DNM3: variants seen among roughly 807,000 people sequenced by gnomAD.
DNM3 encodes dynamin 3.
In DNM3, 47 loss-of-function variants were observed where a neutral mutation model predicts 101.6. The observed-to-expected ratio is 0.46, with a 90% CI of 0.37 to 0.59. The LOEUF (loss-of-function observed/expected upper bound fraction) is 0.59. DNM3 is among the 20% of genes least tolerant of loss of function. The probability of loss-of-function intolerance (pLI) is 0.00; values close to 1 mark genes in which losing one functional copy is unlikely to be tolerated. For synonymous variants in DNM3, 385 were observed against 387.9 expected, an observed-to-expected ratio of 0.99 and a Z score of 0.09; for missense variants, 849 against 1,085.7, an observed-to-expected ratio of 0.78 and a Z score of 3.06.
At chr1:172,163,544 C>A (rs2058630037) in intron 14 of DNM3, among the ~76,000 whole-genome samples, 1 of 151,894 alleles carries the variant, frequency 6.6e-6, no homozygotes, top group Non-Finnish European at 1.5e-5. Flanking sequence ...GGCCAATATT[C>A]TTAACTATAG....
In DNM3 at chr1:172,042,008, G is replaced by A; in HGVS notation, c.993-1G>A. On this transcript the variant is annotated splice_acceptor_variant, in intron 7 of 20. Transcript: ENST00000627582. LOFTEE classifies it high-confidence loss of function. Reference sequence around the variant, plus strand: ...AATCTATTTCTCTTTAACAATTACAGGATGGTTCAGCAATTTGCTGTGGAC... The same window carrying A: ...AATCTATTTCTCTTTAACAATTACAAGATGGTTCAGCAATTTGCTGTGGAC... The A allele has an allele frequency of 6.3e-7, 1 of 1,585,492 alleles. No individual in the cohort carries two copies.
intron 14 of DNM3, among the ~76,000 whole-genome samples, chr1:172,210,314 C>CTTTTTTTTTTTT (rs11330467): frequency 5.9e-5 from 5 of 84,862 alleles, no homozygotes; most frequent in Admixed American, 1.5e-4. Context: ...AGAGAGCGTG[C>CTTTTTTTTTTTT]TTTTTTTTTT....
chr1:171,910,298 T>A (rs952745269), intron 1 of DNM3, among the ~76,000 whole-genome samples: 6 of 152,234 alleles, frequency 3.9e-5, no homozygotes, highest in Admixed American at 3.3e-4. Flanking sequence ...AATGGAAAAT[T>A]CCAGAAATAC....
At chr1:171,944,339 GTATTTATTTATT>G (rs60936293) in intron 2 of DNM3, among the ~76,000 whole-genome samples, 22,078 of 146,966 alleles carry the variant, frequency 0.15, 2,045 homozygotes, top group South Asian at 0.24. Flanking sequence ...TTTAAACAAT[GTATTTATTTATT>G]TATTTATTTA....
intron 1 of DNM3, among the ~76,000 whole-genome samples, chr1:171,917,124 G>T (rs1370807328): frequency 6.6e-6 from 1 of 152,068 alleles, no homozygotes; most frequent in East Asian, 1.9e-4. Context: ...TGAATAAATT[G>T]GCTCCATGAA....
chr1:172,018,213 A>T (rs1251735036), intron 4 of DNM3, among the ~76,000 whole-genome samples: 4 of 152,156 alleles, frequency 2.6e-5, no homozygotes, highest in African/African-American at 9.7e-5. Context: ...TTACTGACAC[A>T]GTTGAATTAA....
rs780203628 is a variant in DNM3 at position 172,038,447 on chromosome 1, C to A, written c.978C>A (p.Thr326=). 3.1e-6 allele frequency: 5 copies of A among 1,612,834 alleles called. No individual in the cohort carries two copies. The African/African-American group carries it at 5.3e-5, about 17-fold the overall frequency. Residue 326 remains threonine (T), a synonymous_variant, in exon 7 of 21, where the codon ACC becomes ACA. Coordinates refer to ENST00000627582, the MANE Select transcript of DNM3 (RefSeq NM_015569.5). ...NFKPEDPTRK[T]KALLQMVQQF... ...AACCAGAAGACCCAACAAGGAAGAC[C>A]AAAGCATTGCTGCAGTAGGTCACCT... is the stretch of plus-strand genomic sequence containing the variant.
intron 15 of DNM3, among the ~76,000 whole-genome samples, chr1:172,297,284 A>T (rs898509487): frequency 1.1e-4 from 16 of 151,656 alleles, no homozygotes; most frequent in Non-Finnish European, 1.8e-4. Context: ...TAGATTCTTA[A>T]TTTTTTGCCA....
intron 2 of DNM3, among the ~76,000 whole-genome samples, chr1:171,985,203 C>A (rs1373426374): frequency 1.3e-5 from 2 of 152,118 alleles, no homozygotes; most frequent in Non-Finnish European, 2.9e-5. Flanking sequence ...TTGAAGGGTG[C>A]ATTTTCCATG....
At chr1:172,318,963 C>A (rs1346368866) in intron 16 of DNM3, among the ~76,000 whole-genome samples, 1 of 152,048 alleles carries the variant, frequency 6.6e-6, no homozygotes, top group Non-Finnish European at 1.5e-5. Context: ...AAGCTGGAGG[C>A]ATCACGCTAC....
intron 18 of DNM3, among the ~76,000 whole-genome samples, chr1:172,383,575 A>T (rs1030748132): frequency 4.6e-5 from 7 of 152,148 alleles, no homozygotes; most frequent in African/African-American, 1.4e-4. Flanking sequence ...AAACAAAGAG[A>T]TTTTAAGGAA....
chr1:172,320,305 C>T (rs1266610932), intron 16 of DNM3, among the ~76,000 whole-genome samples: 3 of 150,916 alleles, frequency 2.0e-5, no homozygotes, highest in Non-Finnish European at 4.4e-5. Flanking sequence ...ATGGGTGCAG[C>T]ACACCAGCAT....
At chr1:171,941,596 C>G (rs1401212187) in intron 2 of DNM3, among the ~76,000 whole-genome samples, 1 of 152,176 alleles carries the variant, frequency 6.6e-6, no homozygotes, top group East Asian at 1.9e-4. Context: ...TAGAGTCCAT[C>G]TTGGTGTGCT....
intron 2 of DNM3, among the ~76,000 whole-genome samples, chr1:171,967,700 TC>T (rs1398785525): frequency 6.6e-6 from 1 of 152,174 alleles, no homozygotes; most frequent in Non-Finnish European, 1.5e-5. Flanking sequence ...CATCTGTTCT[TC>T]TGAGTGCAAT....
intron 14 of DNM3, among the ~76,000 whole-genome samples, chr1:172,217,376 G>T (rs2060740604): frequency 2.0e-5 from 3 of 152,202 alleles, no homozygotes; most frequent in East Asian, 1.9e-4. Flanking sequence ...GGTATGGCTG[G>T]GGCCTGCCAA....
intron 2 of DNM3, among the ~76,000 whole-genome samples, chr1:171,985,345 A>G (rs2045169584): frequency 6.6e-6 from 1 of 152,136 alleles, no homozygotes; most frequent in African/African-American, 2.4e-5. Flanking sequence ...TTTGTCCTCT[A>G]CTTATCTATA....
intron 4 of DNM3, among the ~76,000 whole-genome samples, chr1:172,030,257 T>C (rs927637928): frequency 1.3e-5 from 2 of 152,038 alleles, no homozygotes; most frequent in Non-Finnish European, 2.9e-5. Flanking sequence ...ACGCCAGACA[T>C]CTACAACCAT....
At chr1:172,067,595 T>C (rs2051791171) in intron 10 of DNM3, among the ~76,000 whole-genome samples, 1 of 152,184 alleles carries the variant, frequency 6.6e-6, no homozygotes, top group South Asian at 2.1e-4. Context: ...AAGCTTCATC[T>C]TCTCCACGGC....
chr1:171,982,361 G>A (rs56888227), intron 2 of DNM3, among the ~76,000 whole-genome samples: 2,834 of 152,188 alleles, frequency 0.019, 86 homozygotes, highest in African/African-American at 0.063. Context: ...AGAGACAAGA[G>A]GACACAGATC....
Sources: allele counts gnomAD v4.1 joint callset (sites outside exome capture counted in the v4.1 genomes callset), GRCh38; gene constraint gnomAD v4.1.1; transcripts MANE v1.5; gene names NCBI Gene and HGNC (gene_info 2026-07-23, HGNC 2026-07-21).